Variants in ZMYND8 observed in about 807,000 individuals in gnomAD.
ZMYND8 encodes MYND-type zinc finger-containing chromatin reader ZMYND8.
In ZMYND8, 37 loss-of-function variants were observed where a neutral mutation model predicts 140.8. The ratio of observed to expected loss-of-function variants is 0.26; its 90% CI spans 0.20 to 0.35. The LOEUF (loss-of-function observed/expected upper bound fraction) is 0.35, where lower values mean the gene tolerates loss of function less well. ZMYND8 is among the 10% of genes least tolerant of loss of function. ZMYND8 has a pLI of 1.00. For missense variants in ZMYND8, 1,068 were observed against 1,570.0 expected, an observed-to-expected ratio of 0.68 and a Z score of 5.40; for synonymous variants, 592 against 597.1, an observed-to-expected ratio of 0.99 and a Z score of 0.12.
At chr20:47,318,483 G>A (rs911505572) in intron 2 of ZMYND8, 8 of 346,238 alleles carry the variant, frequency 2.3e-5, no homozygotes, top group East Asian at 1.5e-4. Flanking sequence ...ACAAAAGTCC[G>A]GAATTTCCTC....
At chr20:47,285,770 T>C (rs2076881055) in intron 8 of ZMYND8, 3 of 984,724 alleles carry the variant, frequency 3.0e-6, no homozygotes, top group Non-Finnish European at 3.6e-6. Flanking sequence ...TGTCCATGTG[T>C]TGTATGTAAT....
intron 2 of ZMYND8, among the ~76,000 whole-genome samples, chr20:47,324,398 A>G (rs1041285674): frequency 1.3e-5 from 2 of 151,800 alleles, no homozygotes; most frequent in African/African-American, 4.8e-5. Flanking sequence ...GGGTGCCTGT[A>G]ATCCCACCTA....
intron 6 of ZMYND8, among the ~76,000 whole-genome samples, chr20:47,290,589 T>A (rs932407793): frequency 7.0e-6 from 1 of 142,050 alleles, no homozygotes; most frequent in Non-Finnish European, 1.5e-5. Flanking sequence ...TTTAGTTTTT[T>A]TTTTTTTTTT....
intron 2 of ZMYND8, among the ~76,000 whole-genome samples, chr20:47,341,190 T>C (rs1456526348): frequency 6.6e-6 from 1 of 152,120 alleles, no homozygotes; most frequent in Admixed American, 6.6e-5. Flanking sequence ...GATGGATACA[T>C]GTAAAAATGT....
intron 2 of ZMYND8, among the ~76,000 whole-genome samples, chr20:47,327,285 G>A (rs985604591): frequency 4.0e-5 from 6 of 151,798 alleles, no homozygotes; most frequent in African/African-American, 1.5e-4. Context: ...GATTACAGAC[G>A]TGAGCCACCG....
In ZMYND8 at chr20:47,274,042, C is replaced by T. The variant is rs923226520; in HGVS notation, c.1480+2272G>A. 2.7e-5 allele frequency among the ~76,000 whole-genome samples: 4 copies of T among 147,624 alleles called. No homozygotes were observed. In the Admixed American group the frequency reaches 2.7e-4, roughly 10 times the overall value. ...CTACTCAAATGGGGGATTCAACTAA[C>T]TTCTCACCTAAAAAGCACTCAAAGA... is the stretch of plus-strand genomic sequence containing the variant. On this transcript the variant is annotated intron_variant, in intron 11 of 22. Coordinates refer to ENST00000471951, the MANE Select transcript of ZMYND8 (RefSeq NM_001281775.3).
At chr20:47,334,114 T>C (rs1392825105) in intron 2 of ZMYND8, among the ~76,000 whole-genome samples, 1 of 152,194 alleles carries the variant, frequency 6.6e-6, no homozygotes, top group Non-Finnish European at 1.5e-5. Flanking sequence ...CTCTCTCATG[T>C]AATTTATGGA....
intron 5 of ZMYND8, 34 bp from the exon 6 acceptor site, chr20:47,291,922 C>A: frequency 6.4e-7 from 1 of 1,562,096 alleles, no homozygotes; most frequent in Non-Finnish European, 8.7e-7. Context: ...GGAACGAACC[C>A]ATCATTACTA....
chr20:47,315,720 A>G (rs1265887742), intron 2 of ZMYND8, among the ~76,000 whole-genome samples: 1 of 152,186 alleles, frequency 6.6e-6, no homozygotes, highest in African/African-American at 2.4e-5. Context: ...ACTTTGAACA[A>G]TGACAAACAG....
Position 47,221,286 on chromosome 20 carries a change from C to A in ZMYND8, c.3417+28G>T, listed in dbSNP as rs1242141595. On this transcript the variant is annotated intron_variant, in intron 20 of 22. Coordinates refer to ENST00000471951, the MANE Select transcript of ZMYND8 (RefSeq NM_001281775.3). ...CACTTGGCACAAAGGGTAGATGTCA[C>A]TAGCCAAAGGCATGGGGGGATCCTC... is the stretch of plus-strand genomic sequence containing the variant. 4 of 1,612,266 alleles carry A rather than the reference C, an allele frequency of 2.5e-6. No individual in the cohort carries two copies. In the African/African-American group the frequency reaches 5.3e-5, roughly 22 times the overall value.
chr20:47,318,482 C>T (rs1049993638), intron 2 of ZMYND8: 9 of 346,466 alleles, frequency 2.6e-5, no homozygotes, highest in South Asian at 1.3e-4. Context: ...GACAAAAGTC[C>T]GGAATTTCCT....
At chr20:47,227,910 T>C (rs2037920299) in intron 17 of ZMYND8, among the ~76,000 whole-genome samples, 1 of 152,104 alleles carries the variant, frequency 6.6e-6, no homozygotes, top group Non-Finnish European at 1.5e-5. Flanking sequence ...CTAGCCAACA[T>C]GGAGAAACCC....
intron 7 of ZMYND8, among the ~76,000 whole-genome samples, chr20:47,288,640 G>A (rs1299428179): frequency 2.0e-5 from 3 of 152,008 alleles, no homozygotes; most frequent in Non-Finnish European, 2.9e-5. Context: ...TGATCCGCCC[G>A]CCTCAGCTTC....
intron 21 of ZMYND8, among the ~76,000 whole-genome samples, chr20:47,213,889 AC>A (rs1230301015): frequency 6.6e-6 from 1 of 152,182 alleles, no homozygotes; most frequent in African/African-American, 2.4e-5. Context: ...TAACAGAAGG[AC>A]CAGAATGAGC....
chr20:47,345,789 G>A (rs1048883772), intron 2 of ZMYND8, among the ~76,000 whole-genome samples: 2 of 147,826 alleles, frequency 1.4e-5, no homozygotes, highest in African/African-American at 2.5e-5. Context: ...GATTACAGGC[G>A]TGAGCCAACG....
chr20:47,302,951 G>C (rs1042578267), intron 3 of ZMYND8, among the ~76,000 whole-genome samples: 1 of 152,126 alleles, frequency 6.6e-6, no homozygotes, highest in Non-Finnish European at 1.5e-5. Flanking sequence ...TGTGGGAGAC[G>C]TCCTGTGCAT....
intron 14 of ZMYND8, among the ~76,000 whole-genome samples, chr20:47,240,388 C>T (rs1601153967): frequency 6.6e-6 from 1 of 151,296 alleles, no homozygotes; most frequent in Admixed American, 6.6e-5. Flanking sequence ...GTGGCAGGCG[C>T]CTGTAGTCCC....
intron 10 of ZMYND8, among the ~76,000 whole-genome samples, chr20:47,280,643 T>C (rs1383935966): frequency 6.6e-6 from 1 of 152,136 alleles, no homozygotes; most frequent in Non-Finnish European, 1.5e-5. Context: ...CCTAAGTATA[T>C]CTACTCATAC....
intron 11 of ZMYND8, among the ~76,000 whole-genome samples, chr20:47,274,164 G>A (rs8117852): frequency 0.031 from 4,724 of 152,212 alleles, 245 homozygotes; most frequent in African/African-American, 0.11. Context: ...CATTATCCCT[G>A]TTCTTATATT....
Sources: allele counts gnomAD v4.1 joint callset (sites outside exome capture counted in the v4.1 genomes callset), GRCh38; gene constraint gnomAD v4.1.1; transcripts MANE v1.5; gene names NCBI Gene and HGNC (gene_info 2026-07-23, HGNC 2026-07-21).